RBFOX1: variants seen among roughly 807,000 people sequenced by gnomAD.
The protein encoded by RBFOX1 is RNA binding protein fox-1 homolog 1.
In RBFOX1, 8 loss-of-function variants were observed where a neutral mutation model predicts 57.7. The ratio of observed to expected loss-of-function variants is 0.14; its 90% confidence interval spans 0.08 to 0.25. The LOEUF is 0.25. RBFOX1 is among the 10% of genes least tolerant of loss of function. RBFOX1 has a pLI of 1.00. For missense variants in RBFOX1, 611 were observed against 548.5 expected (o/e 1.11, Z -1.14); for synonymous variants, 326 against 222.4 (o/e 1.47, Z -4.15).
intron 2 of RBFOX1, among the ~76,000 whole-genome samples, chr16:5,586,429 G>C (rs967710501): frequency 1.3e-5 from 2 of 152,168 alleles, no homozygotes; most frequent in African/African-American, 4.8e-5. Flanking sequence ...CTTTATATAT[G>C]TTATTTCATT....
intron 1 of RBFOX1, among the ~76,000 whole-genome samples, chr16:6,131,902 T>C (rs2096632400): frequency 6.6e-6 from 1 of 152,146 alleles, no homozygotes; most frequent in South Asian, 2.1e-4. Flanking sequence ...GAAGGAAAAA[T>C]TCACAAAACA....
At chr16:6,740,741 C>T (rs181876045) in intron 3 of RBFOX1, among the ~76,000 whole-genome samples, 2 of 152,250 alleles carry the variant, frequency 1.3e-5, no homozygotes, top group Admixed American at 1.3e-4. Context: ...GATGGAAAAG[C>T]ACAGTGTGTT....
chr16:5,559,374 G>A (rs946645860), intron 2 of RBFOX1, among the ~76,000 whole-genome samples: 1 of 152,136 alleles, frequency 6.6e-6, no homozygotes, highest in South Asian at 2.1e-4. Flanking sequence ...GTAATCTGGT[G>A]TGGCTGTGAT....
chr16:7,409,898 G>A (rs1025324444), intron 4 of RBFOX1, among the ~76,000 whole-genome samples: 7 of 152,270 alleles, frequency 4.6e-5, no homozygotes, highest in African/African-American at 1.7e-4. Context: ...TTCCGGCAAT[G>A]TCTTAAATGA....
At chr16:5,834,854 G>T (rs976719990) in intron 3 of RBFOX1, among the ~76,000 whole-genome samples, 5 of 152,058 alleles carry the variant, frequency 3.3e-5, no homozygotes, top group African/African-American at 1.2e-4. Flanking sequence ...TTTCCATTGG[G>T]TAGCTATCCA....
intron 1 of RBFOX1, among the ~76,000 whole-genome samples, chr16:6,020,781 C>G (rs1274057722): frequency 6.6e-6 from 1 of 152,182 alleles, no homozygotes; most frequent in Non-Finnish European, 1.5e-5. Context: ...GCTCCCATCT[C>G]CCCACCGCCC....
chr16:7,519,149 T>C (rs57190195), intron 5 of RBFOX1, among the ~76,000 whole-genome samples: 6,197 of 152,322 alleles, frequency 0.041, 187 homozygotes, highest in East Asian at 0.11. Context: ...GCCGGATGCA[T>C]CTAATTTCGG....
chr16:7,493,272 A>G (rs752791713), intron 4 of RBFOX1, among the ~76,000 whole-genome samples: 27 of 152,212 alleles, frequency 1.8e-4, no homozygotes, highest in Non-Finnish European at 2.2e-4. Context: ...CAGGCGCTCA[A>G]CAGCCACACG....
chr16:7,023,992 C>A (rs931943317), intron 3 of RBFOX1, among the ~76,000 whole-genome samples: 1 of 152,046 alleles, frequency 6.6e-6, no homozygotes, highest in Admixed American at 6.6e-5. Flanking sequence ...AAGACAGCCA[C>A]TTAGGTTTCT....
chr16:7,357,939 T>G (rs189216379), intron 4 of RBFOX1, among the ~76,000 whole-genome samples: 83 of 152,328 alleles, frequency 5.4e-4, no homozygotes, highest in Non-Finnish European at 7.3e-4. Context: ...TTTTTTACTT[T>G]TTACTGTCTC....
chr16:6,861,914 C>G (rs953441698), intron 3 of RBFOX1, among the ~76,000 whole-genome samples: 2 of 139,724 alleles, frequency 1.4e-5, no homozygotes, highest in South Asian at 2.4e-4. Context: ...CAAGAGCTCT[C>G]TCTGGCACTG....
At chr16:5,855,873 A>G (rs989754801) in intron 3 of RBFOX1, among the ~76,000 whole-genome samples, 13 of 149,904 alleles carry the variant, frequency 8.7e-5, no homozygotes, top group African/African-American at 3.2e-4. Flanking sequence ...CTTTGCATTT[A>G]TCTGTCTTAA....
intron 3 of RBFOX1, among the ~76,000 whole-genome samples, chr16:6,738,832 A>G (rs751254968): frequency 6.6e-6 from 1 of 152,188 alleles, no homozygotes; most frequent in South Asian, 2.1e-4. Flanking sequence ...TCATAAAGAG[A>G]ACAGGAAAAA....
intron 13 of RBFOX1, among the ~76,000 whole-genome samples, chr16:7,670,844 G>A (rs535259996): frequency 2.0e-5 from 3 of 152,148 alleles, no homozygotes; most frequent in African/African-American, 4.8e-5. Context: ...TCTTGACCAT[G>A]AATGACTCTT....
At chr16:5,373,125 C>T (rs938557720) in intron 1 of RBFOX1, among the ~76,000 whole-genome samples, 4 of 152,096 alleles carry the variant, frequency 2.6e-5, no homozygotes, top group Admixed American at 1.3e-4. Flanking sequence ...AGGAGGAGGA[C>T]GTGAAATGGA....
chr16:5,999,217 C>T (rs1413238536), intron 4 of RBFOX1, among the ~76,000 whole-genome samples: 2 of 152,326 alleles, frequency 1.3e-5, no homozygotes, highest in Non-Finnish European at 2.9e-5. Flanking sequence ...TTACTCACCT[C>T]TTCCCTTCTC....
chr16:5,755,829 C>T (rs959455232), intron 3 of RBFOX1, among the ~76,000 whole-genome samples: 1 of 152,022 alleles, frequency 6.6e-6, no homozygotes, highest in Non-Finnish European at 1.5e-5. Context: ...AACTCCTGAC[C>T]TCAGGTGATC....
At chr16:5,920,534 G>A (rs1325723161) in intron 4 of RBFOX1, among the ~76,000 whole-genome samples, 2 of 152,160 alleles carry the variant, frequency 1.3e-5, no homozygotes, top group African/African-American at 4.8e-5. Context: ...AGCTTTTTGA[G>A]TGTGTGCCAT....
chr16:7,403,329 A>G (rs1050119508), intron 4 of RBFOX1, among the ~76,000 whole-genome samples: 2 of 152,100 alleles, frequency 1.3e-5, no homozygotes, highest in African/African-American at 4.8e-5. Context: ...GACGTCTAGA[A>G]TTCAGTCATC....
Sources: gnomAD v4.1 joint callset for allele counts (sites outside exome capture counted in the v4.1 genomes callset) on GRCh38, gnomAD v4.1.1 for gene constraint, MANE v1.5 for transcripts, NCBI Gene and HGNC (gene_info 2026-07-23, HGNC 2026-07-21) for gene names.